SLC2A14: variants seen among roughly 807,000 people sequenced by gnomAD.
SLC2A14 encodes solute carrier family 2 member 14, also known as solute carrier family 2, facilitated glucose transporter member 14.
SLC2A14 carries 13 observed loss-of-function variants against 43.0 expected under a neutral mutation model. The ratio of observed to expected loss-of-function variants is 0.30; its 90% CI spans 0.20 to 0.48. SLC2A14 has a LOEUF of 0.48. Ranked by LOEUF, SLC2A14 falls within the 20% of genes least tolerant of loss-of-function variation. The pLI, the probability that SLC2A14 is intolerant of heterozygous loss-of-function variation, is 0.99. For missense variants in SLC2A14, 428 were observed against 620.4 expected (o/e 0.69, Z 3.29); for synonymous variants, 190 against 233.8 (o/e 0.81, Z 1.71).
chr12:7,817,338 C>T (rs1368050737), intron 10 of SLC2A14, among the ~76,000 whole-genome samples: 1 of 152,088 alleles, frequency 6.6e-6, no homozygotes, highest in Non-Finnish European at 1.5e-5. Context: ...TGGTCTCTAC[C>T]TCCCGACCTC....
rs1269482353 is a variant in SLC2A14 at position 7,813,447 on chromosome 12, C to T, written c.*869G>A. The T allele has an allele frequency of 6.6e-5, 10 of 152,264 alleles. No individual in the cohort carries two copies. The highest frequency in any genetic ancestry group is 1.3e-4 in the Admixed American group (2 of 15,284). 9.4% of individuals were successfully genotyped at this position (152,264 alleles called of 1,614,324 possible). ...ATCCAAAATTAGAACCCATCAACCGCCATTAACTACAATGCCCATATTAGT... is the reference window on the plus strand; with the variant it reads ...ATCCAAAATTAGAACCCATCAACCGTCATTAACTACAATGCCCATATTAGT... On this transcript the variant is annotated 3_prime_UTR_variant, in exon 11 of 11. Coordinates refer to ENST00000431042, the MANE Select transcript of SLC2A14 (RefSeq NM_001286234.2).
chr12:7,890,781 G>A (rs1393723386), intron 1 of SLC2A14: 1 of 355,122 alleles, frequency 2.8e-6, no homozygotes, highest in Non-Finnish European at 5.1e-6. Context: ...TTTATGCAAA[G>A]TCCCCCTTCA....
rs1224992887 is a variant in SLC2A14, at chr12:7,832,744, C to T, written c.89G>A (p.Gly30Glu). 1.2e-6 allele frequency: 2 copies of T among 1,614,022 alleles called. No homozygotes were observed. The highest frequency in any genetic ancestry group is 1.7e-6 in the Non-Finnish European group (2 of 1,180,024). Residue 30 changes from glycine to glutamate, a missense_variant, in exon 3 of 11, where the codon GGG becomes GAG. Gly to Glu is a moderately conservative substitution (Grantham distance 98). Around this residue, in one of 4 missense-constraint regions of SLC2A14, gnomAD observed 122 missense variants for 128.8 expected, o/e 0.95. Coordinates refer to ENST00000431042, the MANE Select transcript of SLC2A14 (RefSeq NM_001286234.2). ...IGSFQFGYNT[G>E]VINAPETIIK... The stretch of plus-strand genomic sequence containing the variant: ...CACCGTCTCAGGAGCATTGATGACC[C>T]CAGTGTTGTAGCCAAACTGGAAAGA...
At chr12:7,839,519 G>C (rs1369752302) in intron 2 of SLC2A14, among the ~76,000 whole-genome samples, 1 of 152,078 alleles carries the variant, frequency 6.6e-6, no homozygotes, top group Admixed American at 6.6e-5. Flanking sequence ...TTCCGAATGT[G>C]ACAGACAGCC....
chr12:7,888,259 A>G lies in SLC2A14; in HGVS notation c.132+2737T>C. On this transcript the variant is annotated intron_variant, in intron 1 of 9. Coordinates refer to the SLC2A14 transcript ENST00000539924. ...GTGAACCTACCCTTTTGGCAAGAGA[A>G]ACAGGTAATCTCCACCCCAGCAGTC... Among the ~76,000 whole-genome samples, 2 of 152,048 alleles carry G rather than the reference A, an allele frequency of 1.3e-5. 1 individual carries two copies.
At chr12:7,823,204 G>A (rs1864073907) in intron 7 of SLC2A14, among the ~76,000 whole-genome samples, 1 of 151,848 alleles carries the variant, frequency 6.6e-6, no homozygotes, top group South Asian at 2.1e-4. Flanking sequence ...CCAACATGGT[G>A]AAACCCTGTC....
In SLC2A14 at chr12:7,846,635, A is replaced by ATT. The variant is rs34817500; in HGVS notation, c.19-13823_19-13822dup. Among the ~76,000 whole-genome samples, 143 of 145,390 alleles carry ATT rather than the reference A, an allele frequency of 9.8e-4. 1 individual carries two copies. Among genetic ancestry groups the ATT allele is most frequent in the Middle Eastern group, 7.2e-3 (2 of 278 alleles). On this transcript the variant is annotated intron_variant, in intron 2 of 10. Transcript: ENST00000431042. The stretch of plus-strand genomic sequence containing the variant: ...TGTGGTTACAATGTGAATATTCATA[A>ATT]TTTTTTTTTTTTTTGAGATGGAGTC...
In SLC2A14 at chr12:7,831,762, G is replaced by A. The variant is rs1865048369; in HGVS notation, c.114C>T (p.Ile38=). 5.6e-6 allele frequency: 9 copies of A among 1,614,174 alleles called. No homozygotes were observed. Among genetic ancestry groups the A allele is most frequent in the Non-Finnish European group, 7.6e-6 (9 of 1,180,034 alleles). Reference sequence around the variant, plus strand: ...AAGTTTTATTGATAAATTCCTTTATGATCTGCAAAATAAAAGGTGGGAGGA... The same window carrying A: ...AAGTTTTATTGATAAATTCCTTTATAATCTGCAAAATAAAAGGTGGGAGGA... The part of the protein sequence containing the change: ...NTGVINAPET[I]IKEFINKTLT... Residue 38 remains isoleucine, a splice_region_variant and synonymous_variant, in exon 4 of 11, where the codon ATC becomes ATT. Transcript: ENST00000431042.
At chr12:7,874,799 AATATATAAATACGTATTTATATATAAATT>A (rs1284374058), upstream of SLC2A14, among the ~76,000 whole-genome samples, 441 of 100,282 alleles carry the variant, frequency 4.4e-3, 9 homozygotes, top group African/African-American at 0.019. Flanking sequence ...ATATATAAAT[AATATATAAATACGTATTTATATATAAATT>A]ATATATAAAT....
chr12:7,882,976 C>T (rs1287704189), intron 1 of SLC2A14, among the ~76,000 whole-genome samples: 1 of 151,790 alleles, frequency 6.6e-6, no homozygotes, highest in Admixed American at 6.6e-5. Context: ...TTCGGGAGGC[C>T]AAGGTGGGCG....
At chr12:7,871,942 T>C (rs937272712) in intron 1 of SLC2A14, 6 of 980,038 alleles carry the variant, frequency 6.1e-6, no homozygotes, top group South Asian at 9.4e-5. Flanking sequence ...GAATCTCCAA[T>C]AGAGGGCTGA....
chr12:7,822,605 CT>C (rs1864013292), intron 7 of SLC2A14, among the ~76,000 whole-genome samples: 1 of 149,568 alleles, frequency 6.7e-6, no homozygotes, highest in African/African-American at 2.5e-5. Flanking sequence ...GGAGGCAGAG[CT>C]TGCAGTGAGC....
At chr12:7,878,987 A>AC (rs1324704916) in intron 1 of SLC2A14, among the ~76,000 whole-genome samples, 1,043 of 91,238 alleles carry the variant, frequency 0.011, 33 homozygotes, top group African/African-American at 0.041. Flanking sequence ...AAAAAAAAAA[A>AC]AAAAAAAAAA....
chr12:7,851,135 A>G (rs2120929661), intron 2 of SLC2A14, among the ~76,000 whole-genome samples: 1 of 152,308 alleles, frequency 6.6e-6, no homozygotes, highest in South Asian at 2.1e-4. Flanking sequence ...AAACGTAAGT[A>G]TCAGCACAGA....
intron 2 of SLC2A14, among the ~76,000 whole-genome samples, chr12:7,868,244 T>C (rs1466992323): frequency 6.6e-6 from 1 of 152,176 alleles, no homozygotes; most frequent in Non-Finnish European, 1.5e-5. Flanking sequence ...AGATGATTGT[T>C]AGCATTTTTT....
At chr12:7,851,585 T>C (rs1459884672) in intron 2 of SLC2A14, among the ~76,000 whole-genome samples, 1 of 152,138 alleles carries the variant, frequency 6.6e-6, no homozygotes, top group Non-Finnish European at 1.5e-5. Flanking sequence ...TCCTCTATCT[T>C]TAAAATAATG....
chr12:7,826,193 G>C (rs1565506143), intron 7 of SLC2A14, among the ~76,000 whole-genome samples: 2 of 149,440 alleles, frequency 1.3e-5, no homozygotes, highest in Non-Finnish European at 3.0e-5. Context: ...CACCTAGGAG[G>C]CTTTTTCTAA....
At chr12:7,847,398 T>C (rs957725241) in intron 2 of SLC2A14, among the ~76,000 whole-genome samples, 17 of 152,114 alleles carry the variant, frequency 1.1e-4, no homozygotes, top group African/African-American at 3.9e-4. Flanking sequence ...AAAAAAGAAC[T>C]ATACATGTTT....
intron 10 of SLC2A14, 90 bp downstream of exon 10, chr12:7,817,741 T>C (rs4489822): frequency 2.1e-6 from 2 of 931,304 alleles, no homozygotes; most frequent in Non-Finnish European, 2.9e-6. Context: ...GTCTCAAAAA[T>C]ATATATATAT....
Sources: gnomAD v4.1 joint callset for allele counts (sites outside exome capture counted in the v4.1 genomes callset) on GRCh38, gnomAD v4.1.1 for gene constraint, gnomAD v4.1.1 regional missense constraint, MANE v1.5 for transcripts, NCBI Gene and HGNC (gene_info 2026-07-23, HGNC 2026-07-21) for gene names.